Variants in ATOSA observed in about 807,000 individuals in gnomAD.
ATOSA encodes the protein atos homolog A, also known as atos homolog protein A.
the ATOSA span, among the ~76,000 whole-genome samples, chr15:52,667,060 A>C: frequency 6.6e-6 from 1 of 152,220 alleles, no homozygotes; most frequent in Non-Finnish European, 1.5e-5. Flanking sequence ...CAGGACTAAT[A>C]TGGCTAGACT....
the ATOSA span, among the ~76,000 whole-genome samples, chr15:52,662,607 A>C: frequency 6.6e-6 from 1 of 152,056 alleles, no homozygotes; most frequent in East Asian, 1.9e-4. Context: ...CGTCTCTACT[A>C]AAAATACAAA....
the ATOSA span, among the ~76,000 whole-genome samples, chr15:52,640,367 A>T: frequency 6.6e-6 from 1 of 151,726 alleles, no homozygotes; most frequent in Non-Finnish European, 1.5e-5. Flanking sequence ...GGAGTTCAAG[A>T]ACAGCCTGGC....
chr15:52,625,179 A>G, the ATOSA span, among the ~76,000 whole-genome samples: 1 of 152,100 alleles, frequency 6.6e-6, no homozygotes, highest in African/African-American at 2.4e-5. Context: ...CAAAGACATC[A>G]ACTTCCTTGC....
the ATOSA span, among the ~76,000 whole-genome samples, chr15:52,641,169 G>A: frequency 6.6e-6 from 1 of 152,190 alleles, no homozygotes; most frequent in Non-Finnish European, 1.5e-5. Context: ...CAATCGGTTT[G>A]TACGTTAATC....
At chr15:52,642,077 G>A in the ATOSA span, among the ~76,000 whole-genome samples, 1 of 152,174 alleles carries the variant, frequency 6.6e-6, no homozygotes, top group Admixed American at 6.5e-5. Flanking sequence ...TATTTATTTT[G>A]TGTTATTATG....
the ATOSA span, among the ~76,000 whole-genome samples, chr15:52,595,358 A>G: frequency 0.99 from 150,943 of 152,306 alleles, 74,805 homozygotes; most frequent in Middle Eastern, 1. Flanking sequence ...CTCAACAAAT[A>G]TTTCCCAAAT....
the ATOSA span, chr15:52,587,180 G>C: frequency 6.2e-7 from 1 of 1,613,380 alleles, no homozygotes; most frequent in Non-Finnish European, 8.5e-7. Context: ...GGAGGTACTC[G>C]ATAACCCCTT....
At chr15:52,659,746 G>C in the ATOSA span, among the ~76,000 whole-genome samples, 1 of 152,202 alleles carries the variant, frequency 6.6e-6, no homozygotes, top group East Asian at 1.9e-4. Flanking sequence ...ATGACTATTA[G>C]GGTTATCATA....
chr15:52,589,387 C>T, the ATOSA span, among the ~76,000 whole-genome samples: 16 of 152,212 alleles, frequency 1.1e-4, 1 homozygote, highest in Admixed American at 7.8e-4. Context: ...CATAACTACA[C>T]GTAATATATT....
the ATOSA span, among the ~76,000 whole-genome samples, chr15:52,606,253 A>T: frequency 6.6e-6 from 1 of 152,160 alleles, no homozygotes; most frequent in Non-Finnish European, 1.5e-5. Flanking sequence ...ATTAAAAATT[A>T]TATATAATGC....
the ATOSA span, among the ~76,000 whole-genome samples, chr15:52,643,388 C>A: frequency 6.6e-6 from 1 of 152,004 alleles, no homozygotes; most frequent in South Asian, 2.1e-4. Flanking sequence ...AACTCCTGTA[C>A]TCAAGGGATC....
chr15:52,600,837 T>C, the ATOSA span, among the ~76,000 whole-genome samples: 1 of 139,644 alleles, frequency 7.2e-6, no homozygotes. Flanking sequence ...TAGAGGTTAA[T>C]AACTAGAAAT....
the ATOSA span, among the ~76,000 whole-genome samples, chr15:52,646,965 G>T: frequency 6.6e-6 from 1 of 152,064 alleles, no homozygotes; most frequent in South Asian, 2.1e-4. Context: ...GCGATTTAAG[G>T]TAAGTATGCA....
At chr15:52,669,176 C>T in the ATOSA span, among the ~76,000 whole-genome samples, 2 of 152,088 alleles carry the variant, frequency 1.3e-5, no homozygotes, top group Admixed American at 6.6e-5. Flanking sequence ...CCACCTCAGC[C>T]TTCCAAAGTG....
At chr15:52,678,915 C>G in the ATOSA span, 2 of 153,298 alleles carry the variant, frequency 1.3e-5, no homozygotes, top group African/African-American at 4.8e-5. Context: ...CTCGGCCGAC[C>G]TCTGCTGACT....
chr15:52,663,466 C>T, the ATOSA span, among the ~76,000 whole-genome samples: 611 of 152,222 alleles, frequency 4.0e-3, 2 homozygotes, highest in African/African-American at 0.014. Context: ...CAGAATAGTT[C>T]ATCAATAAAT....
At chr15:52,587,884 T>A in the ATOSA span, among the ~76,000 whole-genome samples, 2 of 152,236 alleles carry the variant, frequency 1.3e-5, no homozygotes, top group Admixed American at 6.5e-5. Flanking sequence ...GAAACAACTT[T>A]ATATCATGTT....
the ATOSA span, among the ~76,000 whole-genome samples, chr15:52,636,060 AATTAAATTAAAAT>A: frequency 2.7e-4 from 40 of 147,366 alleles, no homozygotes; most frequent in African/African-American, 4.4e-4. Flanking sequence ...AAATTTATTA[AATTAAATTAAAAT>A]ATTAAATTAA....
the ATOSA span, among the ~76,000 whole-genome samples, chr15:52,664,460 T>A: frequency 1.3e-5 from 2 of 152,218 alleles, no homozygotes; most frequent in African/African-American, 4.8e-5. Context: ...CGCAGAAACC[T>A]TGAGAAAAGA....
Sources: allele counts gnomAD v4.1 joint callset (sites outside exome capture counted in the v4.1 genomes callset), GRCh38; gene constraint gnomAD v4.1.1; transcripts MANE v1.5; gene names NCBI Gene and HGNC (gene_info 2026-07-23, HGNC 2026-07-21).